KCTD6: variants seen among roughly 807,000 people sequenced by gnomAD.
KCTD6 encodes the protein BTB/POZ domain-containing protein KCTD6.
KCTD6 carries 6 observed loss-of-function variants against 18.7 expected under a neutral mutation model. The observed-to-expected ratio is 0.32, with a 90% CI of 0.18 to 0.63. The LOEUF is 0.63. KCTD6 is among the 30% of genes least tolerant of loss of function. The pLI, the probability that KCTD6 is intolerant of heterozygous loss-of-function variation, is 0.79. For missense variants in KCTD6, 165 were observed against 300.2 expected (o/e 0.55, Z 3.33); for synonymous variants, 86 against 108.5 (o/e 0.79, Z 1.29).
chr3:58,499,070 A>T (rs528352700), intron 2 of KCTD6, among the ~76,000 whole-genome samples: 19 of 152,074 alleles, frequency 1.2e-4, no homozygotes, highest in Admixed American at 2.0e-4. Flanking sequence ...CCTAGGTTCA[A>T]GAGATTCTCC....
chr3:58,495,069 G>A (rs1399692171), intron 1 of KCTD6, among the ~76,000 whole-genome samples: 3 of 152,146 alleles, frequency 2.0e-5, no homozygotes, highest in Admixed American at 6.5e-5. Context: ...GTGCTCGGTT[G>A]CATTTGCTGT....
intron 1 of KCTD6, among the ~76,000 whole-genome samples, chr3:58,494,991 AAGGTTACATCTTTTC>A (rs1560203605): frequency 6.6e-6 from 1 of 152,186 alleles, no homozygotes; most frequent in Non-Finnish European, 1.5e-5. Flanking sequence ...ATTTGCATCA[AAGGTTACATCTTTTC>A]AGGTGAACTG....
Position 58,498,008 on chromosome 3 carries a change from G to T in KCTD6, c.-43-705G>T, listed in dbSNP as rs1445879449. ...TTTTTTTTTTTTTTTTTGAGATGGA[G>T]TCTCGCACTGTTGCAGGGGCTGGTG... On this transcript the variant is annotated intron_variant, in intron 1 of 2. Transcript: ENST00000404589. The surrounding 1 kb of genome is among the most constrained non-coding windows in gnomAD (Gnocchi z 4.6). The T allele has an allele frequency of 7.0e-6, 1 of 143,554 alleles. No homozygotes were observed. The highest frequency in any genetic ancestry group is 2.6e-5 in the African/African-American group (1 of 38,614). The allele number at this position is 143,554 out of a possible 1,614,324, so 8.9% of individuals were successfully genotyped here. A position where few individuals can be genotyped will look rare whatever the true frequency, so the allele number is the denominator to read the frequency against.
intron 2 of KCTD6, chr3:58,500,216 A>G (rs1433311932): frequency 6.6e-6 from 1 of 151,776 alleles, no homozygotes; most frequent in Non-Finnish European, 1.5e-5. Flanking sequence ...CCTGGGTTCA[A>G]GTGATTCTCA....
intron 2 of KCTD6, among the ~76,000 whole-genome samples, chr3:58,499,891 A>T (rs1203784555): frequency 6.6e-6 from 1 of 151,882 alleles, no homozygotes; most frequent in Admixed American, 6.6e-5. Flanking sequence ...TTTTTAAGAG[A>T]AGCTTGCTTC....
At position 58,502,030 on chromosome 3, in the gene KCTD6, C is replaced by T. The variant is rs1463395469; in HGVS notation, c.*398C>T. On this transcript the variant is annotated 3_prime_UTR_variant, in exon 3 of 3. Coordinates refer to ENST00000404589, the MANE Select transcript of KCTD6 (RefSeq NM_001128214.2). ...TACTCATGATGCCTTTGAGAAAAATCAAAACATCATGTAGGGTGACCTAGT... is the reference window on the plus strand; with the variant it reads ...TACTCATGATGCCTTTGAGAAAAATTAAAACATCATGTAGGGTGACCTAGT... The T allele has an allele frequency of 6.5e-6, 1 of 154,368 alleles. No individual in the cohort carries two copies. The highest frequency in any genetic ancestry group is 1.4e-5 in the Non-Finnish European group (1 of 69,300). The allele number at this position is 154,368 out of a possible 1,614,324, so 9.6% of individuals were successfully genotyped here.
Position 58,501,104 on chromosome 3 carries a change from A to C in KCTD6, c.186A>C (p.Gly62=), listed in dbSNP as rs1417954095. 1 of 1,614,188 alleles carries C rather than the reference A, an allele frequency of 6.2e-7. No individual in the cohort carries two copies. Among genetic ancestry groups the C allele is most frequent in the South Asian group, 1.1e-5 (1 of 91,082 alleles). The stretch of plus-strand genomic sequence containing the variant: ...GCAATTACTTTATTGATCGAGATGG[A>C]CCTCTTTTCCGATATGTCCTCAACT... ...PQGNYFIDRD[G]PLFRYVLNFL... Residue 62 remains glycine, a synonymous_variant, in exon 3 of 3, where the codon GGA becomes GGC. Coordinates refer to ENST00000404589, the MANE Select transcript of KCTD6 (RefSeq NM_001128214.2). This position sits in a 1 kb window ranked among gnomAD's most constrained non-coding sequence, Gnocchi z 9.7.
Position 58,498,448 on chromosome 3 carries a change from T to C in KCTD6, c.-43-265T>C, listed in dbSNP as rs2063189650. ...GGGTTACTTCCTAGACTCTTCCTCC[T>C]TCTCTTAAGTACAGTATAGTTCTTT... On this transcript the variant is annotated intron_variant, in intron 1 of 2. Coordinates refer to ENST00000404589, the MANE Select transcript of KCTD6 (RefSeq NM_001128214.2). This position sits in a 1 kb window ranked among gnomAD's most constrained non-coding sequence, Gnocchi z 4.6. 1 of 306,794 alleles carries C rather than the reference T, an allele frequency of 3.3e-6. No homozygotes were observed. The highest frequency in any genetic ancestry group is 6.4e-5 in the East Asian group (1 of 15,612). The allele number at this position is 306,794 out of a possible 1,614,324, so 19.0% of individuals were successfully genotyped here. A position where few individuals can be genotyped will look rare whatever the true frequency, so the allele number is the denominator to read the frequency against.
chr3:58,501,748 T>G lies in KCTD6; in HGVS notation c.*116T>G. ...TTTCTTTTAAATAGTTGTATTTATT[T>G]GAAGGCAGTGAGGACCAGAAGGAAG... On this transcript the variant is annotated 3_prime_UTR_variant, in exon 3 of 3. Transcript: ENST00000404589. The surrounding 1 kb of genome is among the most constrained non-coding windows in gnomAD (Gnocchi z 9.7). 1.5e-6 allele frequency: 1 copy of G among 682,822 alleles called. No individual in the cohort carries two copies. The allele number at this position is 682,822 out of a possible 1,614,324, so 42.3% of individuals were successfully genotyped here. A position where few individuals can be genotyped will look rare whatever the true frequency, so the allele number is the denominator to read the frequency against.
chr3:58,497,150 G>C lies in KCTD6; in HGVS notation c.-43-1563G>C, dbSNP rs1215280625. On this transcript the variant is annotated intron_variant, in intron 1 of 2. Coordinates refer to ENST00000404589, the MANE Select transcript of KCTD6 (RefSeq NM_001128214.2). This position sits in a 1 kb window ranked among gnomAD's most constrained non-coding sequence, Gnocchi z 4.2. ...GGAGGCCTGTCTATATCCAACTGCTGAGTGTAAAGAATAAAAACTGACTGC... is the reference window on the plus strand; with the variant it reads ...GGAGGCCTGTCTATATCCAACTGCTCAGTGTAAAGAATAAAAACTGACTGC... Among the ~76,000 whole-genome samples the C allele has an allele frequency of 6.6e-6, 1 of 152,238 alleles. No homozygotes were observed. Among genetic ancestry groups the C allele is most frequent in the Admixed American group, 6.5e-5 (1 of 15,292 alleles).
chr3:58,496,217 A>G lies in KCTD6; in HGVS notation c.-43-2496A>G, dbSNP rs2063174643. 6.6e-6 allele frequency among the ~76,000 whole-genome samples: 1 copy of G among 152,146 alleles called. No individual in the cohort carries two copies. The highest frequency in any genetic ancestry group is 1.5e-5 in the Non-Finnish European group (1 of 68,042). On this transcript the variant is annotated intron_variant, in intron 1 of 2. Transcript: ENST00000404589. This position sits in a 1 kb window ranked among gnomAD's most constrained non-coding sequence, Gnocchi z 5.1. ...CTGTAAAATTTGTAAATAAAACCCT[A>G]CTGGATGGATAGGGTTAATAGATGG...
chr3:58,500,882 C>A, intron 2 of KCTD6, 64 bp from the exon 3 acceptor site: 1 of 1,043,222 alleles, frequency 9.6e-7, no homozygotes, highest in South Asian at 1.6e-5. Flanking sequence ...CACTTACTTT[C>A]TTAATTTGTC....
At position 58,496,066 on chromosome 3, in the gene KCTD6, A is replaced by G. The variant is rs576257950; in HGVS notation, c.-43-2647A>G. Among the ~76,000 whole-genome samples, 1 of 151,992 alleles carries G rather than the reference A, an allele frequency of 6.6e-6. No individual in the cohort carries two copies. Among genetic ancestry groups the G allele is most frequent in the Non-Finnish European group, 1.5e-5 (1 of 68,000 alleles). On this transcript the variant is annotated intron_variant, in intron 1 of 2. Coordinates refer to ENST00000404589, the MANE Select transcript of KCTD6 (RefSeq NM_001128214.2). This position sits in a 1 kb window ranked among gnomAD's most constrained non-coding sequence, Gnocchi z 5.1. The stretch of plus-strand genomic sequence containing the variant: ...GGATATTCACGGATTGGAGTTCTTT[A>G]TGTCACTACAGACAGGACAGCAACC...
chr3:58,493,168 A>T lies in KCTD6; in HGVS notation c.-44+999A>T, dbSNP rs897749003. Among the ~76,000 whole-genome samples, 5 of 152,210 alleles carry T rather than the reference A, an allele frequency of 3.3e-5. No homozygotes were observed. Among genetic ancestry groups the T allele is most frequent in the African/African-American group, 1.2e-4 (5 of 41,460 alleles). ...GATTGAGATGTTTTCAAATGAACGA[A>T]TATGTAGCTAGGAAAAGGAAAATGT... On this transcript the variant is annotated intron_variant, in intron 1 of 2. Transcript: ENST00000404589. This position sits in a 1 kb window ranked among gnomAD's most constrained non-coding sequence, Gnocchi z 4.5.
Position 58,498,836 on chromosome 3 carries a change from C to G in KCTD6, c.27+54C>G. 2 of 1,423,178 alleles carry G rather than the reference C, an allele frequency of 1.4e-6. No homozygotes were observed. The highest frequency in any genetic ancestry group is 1.2e-5 in the South Asian group (1 of 82,248). The allele number at this position is 1,423,178 out of a possible 1,614,324, so 88.2% of individuals were successfully genotyped here. A position where few individuals can be genotyped will look rare whatever the true frequency, so the allele number is the denominator to read the frequency against. On this transcript the variant is annotated intron_variant, in intron 2 of 2. Transcript: ENST00000404589. This position sits in a 1 kb window ranked among gnomAD's most constrained non-coding sequence, Gnocchi z 4.6. Reference sequence around the variant, plus strand: ...AGGCTGGGGAATTATTTTTGTGTGTCTTTTTATCCTTATGTATTTTTAGGT... The same window carrying G: ...AGGCTGGGGAATTATTTTTGTGTGTGTTTTTATCCTTATGTATTTTTAGGT...
rs2063158560 is a variant in KCTD6, at chr3:58,492,323, C to G, written c.-44+154C>G. On this transcript the variant is annotated intron_variant, in intron 1 of 2. Coordinates refer to ENST00000404589, the MANE Select transcript of KCTD6 (RefSeq NM_001128214.2). This position sits in a 1 kb window ranked among gnomAD's most constrained non-coding sequence, Gnocchi z 6.1. ...GGCGGCGGGGCCGCGTTGAGGGGAC[C>G]GCGCGTCCCGGGCTGGCACGAGCCA... 6.7e-6 allele frequency among the ~76,000 whole-genome samples: 1 copy of G among 149,552 alleles called. No individual in the cohort carries two copies. The highest frequency in any genetic ancestry group is 1.5e-5 in the Non-Finnish European group (1 of 67,014).
intron 2 of KCTD6, 88 bp from the exon 3 acceptor site, chr3:58,500,858 G>A: frequency 1.2e-6 from 1 of 819,678 alleles, no homozygotes. Flanking sequence ...AGAATCTTGG[G>A]CTTTGCTCAG....
At position 58,492,296 on chromosome 3, in the gene KCTD6, G is replaced by A. The variant is rs2063158379; in HGVS notation, c.-44+127G>A. 6.7e-6 allele frequency: 1 copy of A among 149,802 alleles called. No individual in the cohort carries two copies. The highest frequency in any genetic ancestry group is 2.1e-4 in the South Asian group (1 of 4,816). 9.3% of individuals were successfully genotyped at this position (149,802 alleles called of 1,614,324 possible). On this transcript the variant is annotated intron_variant, in intron 1 of 2. Transcript: ENST00000404589. The surrounding 1 kb of genome is among the most constrained non-coding windows in gnomAD (Gnocchi z 6.1). Reference sequence around the variant, plus strand: ...TCTGGGCGGGGGCTCCTGGAACGGGGCGGCGGCGGGGCCGCGTTGAGGGGA... The same window carrying A: ...TCTGGGCGGGGGCTCCTGGAACGGGACGGCGGCGGGGCCGCGTTGAGGGGA...
At chr3:58,499,643 A>G (rs557528628) in intron 2 of KCTD6, among the ~76,000 whole-genome samples, 2 of 142,368 alleles carry the variant, frequency 1.4e-5, no homozygotes, top group East Asian at 2.1e-4. Context: ...AGCTCAGGTG[A>G]TTGTCCCACC....
Sources: gnomAD v4.1 joint callset for allele counts (sites outside exome capture counted in the v4.1 genomes callset) on GRCh38, gnomAD v4.1.1 for gene constraint, Gnocchi (gnomAD v3.1) non-coding constraint, MANE v1.5 for transcripts, NCBI Gene and HGNC (gene_info 2026-07-23, HGNC 2026-07-21) for gene names.